KIF16B: variants seen among roughly 807,000 people sequenced by gnomAD.
KIF16B encodes kinesin family member 16B, also known as kinesin-like protein KIF16B.
A neutral mutation model predicts 156.3 loss-of-function variants in KIF16B; 98 were observed. The observed-to-expected ratio is 0.63, with a 90% confidence interval of 0.53 to 0.74. The LOEUF is 0.74. Ranked by LOEUF, KIF16B falls within the 30% of genes least tolerant of loss-of-function variation. The pLI is 0.00. For synonymous variants in KIF16B, 564 were observed against 583.7 expected (o/e 0.97, Z 0.49); for missense variants, 1,421 against 1,606.5 (o/e 0.88, Z 1.97).
At chr20:16,336,079 A>G (rs1348204810) in intron 23 of KIF16B, 64 bp from the exon 24 acceptor site, 2 of 961,506 alleles carry the variant, frequency 2.1e-6, no homozygotes, top group Non-Finnish European at 3.2e-6. Context: ...AATTTTTCAA[A>G]AGAATTTAAA....
At chr20:16,367,225 A>G in intron 22 of KIF16B, 1 of 1,612,868 alleles carries the variant, frequency 6.2e-7, no homozygotes, top group Non-Finnish European at 8.5e-7. Flanking sequence ...CTCAGGTGCG[A>G]CATTCTGACT....
chr20:16,530,074 C>T (rs2069689139), intron 1 of KIF16B, among the ~76,000 whole-genome samples: 1 of 152,168 alleles, frequency 6.6e-6, no homozygotes, highest in South Asian at 2.1e-4. Context: ...TAGAATCTTA[C>T]ACTCAAATTA....
intron 15 of KIF16B, among the ~76,000 whole-genome samples, chr20:16,407,453 C>T (rs2065814725): frequency 6.6e-6 from 1 of 152,110 alleles, no homozygotes; most frequent in South Asian, 2.1e-4. Flanking sequence ...GTCTAGCACA[C>T]TTAGCTGAGT....
chr20:16,300,941 T>C (rs371019495), intron 25 of KIF16B, among the ~76,000 whole-genome samples: 2 of 152,348 alleles, frequency 1.3e-5, no homozygotes, highest in African/African-American at 4.8e-5. Context: ...TTATATATCA[T>C]ACAGAGTAGC....
At chr20:16,347,056 G>A (rs1483376440) in intron 23 of KIF16B, among the ~76,000 whole-genome samples, 1 of 151,990 alleles carries the variant, frequency 6.6e-6, no homozygotes, top group Non-Finnish European at 1.5e-5. Flanking sequence ...ATTCTTTCAG[G>A]TCCCGATTTC....
chr20:16,512,479 A>G (rs1179234964), intron 5 of KIF16B, among the ~76,000 whole-genome samples: 1 of 152,210 alleles, frequency 6.6e-6, no homozygotes, highest in African/African-American at 2.4e-5. Context: ...TCCAACCAAC[A>G]CAAAGAATAA....
chr20:16,492,422 CGAGA>C (rs1000377954), intron 12 of KIF16B, among the ~76,000 whole-genome samples: 1 of 151,998 alleles, frequency 6.6e-6, no homozygotes, highest in African/African-American at 2.4e-5. Flanking sequence ...CTTATAAGAT[CGAGA>C]AAGGGAAAAA....
At chr20:16,352,635 A>C (rs1455097776) in intron 23 of KIF16B, among the ~76,000 whole-genome samples, 3 of 152,210 alleles carry the variant, frequency 2.0e-5, no homozygotes, top group Non-Finnish European at 4.4e-5. Flanking sequence ...GAGCTCCCAC[A>C]CTGGGGATTA....
At position 16,369,821 on chromosome 20, in the gene KIF16B, G is replaced by T. The variant is rs78423369; in HGVS notation, c.3498+765C>A. Among the ~76,000 whole-genome samples, 1,306 of 152,268 alleles carry T rather than the reference G, an allele frequency of 8.6e-3. 25 individuals are homozygous for T. Among genetic ancestry groups the T allele is most frequent in the African/African-American group, 0.03 (1,249 of 41,558 alleles). ...TATCTACAAGTCATCACCATGGAAG[G>T]ACTACTGTGCACCTGCTATGTGCCA... On this transcript the variant is annotated intron_variant, in intron 22 of 25. Coordinates refer to ENST00000354981, the MANE Select transcript of KIF16B (RefSeq NM_024704.5).
chr20:16,283,575 A>C (rs910190747), intron 25 of KIF16B, among the ~76,000 whole-genome samples: 4 of 152,188 alleles, frequency 2.6e-5, no homozygotes, highest in Non-Finnish European at 5.9e-5. Context: ...GGTCTAGCAA[A>C]TTCAGGCCAT....
At chr20:16,513,609 A>G (rs6135777) in intron 4 of KIF16B, among the ~76,000 whole-genome samples, 35,705 of 149,704 alleles carry the variant, frequency 0.24, 4,886 homozygotes, top group East Asian at 0.36. Flanking sequence ...GCAGTGAGCC[A>G]AGATTGCGCC....
intron 18 of KIF16B, among the ~76,000 whole-genome samples, chr20:16,380,619 C>T (rs568831996): frequency 2.6e-5 from 4 of 152,128 alleles, no homozygotes; most frequent in Non-Finnish European, 5.9e-5. Flanking sequence ...TCATGATAAT[C>T]GACAGTTCAT....
intron 12 of KIF16B, among the ~76,000 whole-genome samples, chr20:16,456,227 A>G (rs1266349714): frequency 6.6e-6 from 1 of 152,194 alleles, no homozygotes; most frequent in Non-Finnish European, 1.5e-5. Flanking sequence ...CCAAATCACC[A>G]TATTTTACTC....
chr20:16,409,582 T>C (rs1481673176), intron 15 of KIF16B, among the ~76,000 whole-genome samples: 1 of 152,002 alleles, frequency 6.6e-6, no homozygotes, highest in Non-Finnish European at 1.5e-5. Context: ...AGGTGGCTAC[T>C]ACAGTGGTCC....
At chr20:16,433,139 A>G (rs2066547660) in intron 12 of KIF16B, among the ~76,000 whole-genome samples, 1 of 152,214 alleles carries the variant, frequency 6.6e-6, no homozygotes, top group Non-Finnish European at 1.5e-5. Context: ...CATATATTAC[A>G]GGGGAGAATT....
At chr20:16,495,881 A>C (rs2068438156) in intron 11 of KIF16B, among the ~76,000 whole-genome samples, 1 of 152,018 alleles carries the variant, frequency 6.6e-6, no homozygotes, top group Admixed American at 6.6e-5. Flanking sequence ...TGTAAAGAGG[A>C]GGTCTCATCA....
intron 15 of KIF16B, among the ~76,000 whole-genome samples, chr20:16,406,834 C>T (rs951935446): frequency 6.6e-6 from 1 of 152,092 alleles, no homozygotes; most frequent in Non-Finnish European, 1.5e-5. Context: ...ATGGTCACAA[C>T]TTTAGGAATG....
intron 17 of KIF16B, among the ~76,000 whole-genome samples, chr20:16,385,447 G>C (rs1019516911): frequency 6.6e-6 from 1 of 152,148 alleles, no homozygotes; most frequent in Non-Finnish European, 1.5e-5. Context: ...ACTACAAAGA[G>C]ACTGAGCCCA....
chr20:16,319,137 G>A (rs904226005), intron 24 of KIF16B, among the ~76,000 whole-genome samples: 18 of 152,254 alleles, frequency 1.2e-4, no homozygotes, highest in South Asian at 2.1e-4. Context: ...CTATGGAGAC[G>A]TAATGACTAA....
Sources: allele counts gnomAD v4.1 joint callset (sites outside exome capture counted in the v4.1 genomes callset), GRCh38; gene constraint gnomAD v4.1.1; transcripts MANE v1.5; gene names NCBI Gene and HGNC (gene_info 2026-07-23, HGNC 2026-07-21).